C10orf90: variants seen among roughly 807,000 people sequenced by gnomAD.
C10orf90 encodes (E2-independent) E3 ubiquitin-conjugating enzyme FATS.
Under a neutral mutation model 62.5 loss-of-function variants are expected in C10orf90, and 56 were observed. That is an observed-to-expected ratio of 0.90 (90% CI 0.72 to 1.12). C10orf90 has a LOEUF of 1.12. C10orf90 is among the 50% of genes most tolerant of loss of function. C10orf90 has a pLI of 0.00. For synonymous variants in C10orf90, 386 were observed against 340.4 expected (o/e 1.13, Z -1.47); for missense variants, 970 against 880.4 (o/e 1.10, Z -1.29).
rs569379973 is a variant in C10orf90 at position 126,597,616 on chromosome 10, T to C, written c.313+48949A>G. ...CAAGAGTAGAAGCTGAGAGACCAAA[T>C]GGGAGACCAACAAGTGATGATCATG... is the stretch of plus-strand genomic sequence containing the variant. On this transcript the variant is annotated intron_variant, in intron 2 of 9. Coordinates refer to ENST00000488181, the MANE Select transcript of C10orf90 (RefSeq NM_001350921.2). Among the ~76,000 whole-genome samples, 10 of 152,272 alleles carry C rather than the reference T, an allele frequency of 6.6e-5. No homozygotes were observed. In the South Asian group the frequency reaches 2.1e-3, roughly 32 times the overall value.
At position 126,659,213 on chromosome 10, in the gene C10orf90, A is replaced by C. The variant is rs143402871; in HGVS notation, c.240+11028T>G. On this transcript the variant is annotated intron_variant, in intron 1 of 9. Transcript: ENST00000488181. ...CACCACCAAACAGGCTGCCTTGAAAACTAGCGCAATATGAGGCAGCCAACC... is the reference window on the plus strand; with the variant it reads ...CACCACCAAACAGGCTGCCTTGAAACCTAGCGCAATATGAGGCAGCCAACC... 1.1e-3 allele frequency among the ~76,000 whole-genome samples: 173 copies of C among 152,300 alleles called. 4 individuals are homozygous for C. In the South Asian group the frequency reaches 0.021, roughly 18 times the overall value.
intron 2 of C10orf90, among the ~76,000 whole-genome samples, chr10:126,638,009 A>G (rs1845986305): frequency 6.6e-6 from 1 of 152,192 alleles, no homozygotes; most frequent in African/African-American, 2.4e-5. Context: ...GGACTTACTC[A>G]TGGTTGGACA....
rs1859315359 is a variant in C10orf90, at chr10:126,453,165, C to T, written c.2188+5875G>A. On this transcript the variant is annotated intron_variant, in intron 7 of 9. Transcript: ENST00000488181. This position sits in a 1 kb window ranked among gnomAD's most constrained non-coding sequence, Gnocchi z 4.9. ...CCTTCCAGAGAATTCCATTCCTCTA[C>T]TCGTGCATGATTTGAATGGCTCTGA... 6.6e-6 allele frequency among the ~76,000 whole-genome samples: 1 copy of T among 152,182 alleles called. No homozygotes were observed. The highest frequency in any genetic ancestry group is 2.4e-5 in the African/African-American group (1 of 41,442).
intron 2 of C10orf90, among the ~76,000 whole-genome samples, chr10:126,645,845 T>G (rs561267544): frequency 5.3e-5 from 8 of 152,310 alleles, no homozygotes; most frequent in Admixed American, 3.3e-4. Flanking sequence ...ACACATAATC[T>G]CATGCACTTT....
At chr10:126,448,813 T>A (rs1858968794) in intron 7 of C10orf90, among the ~76,000 whole-genome samples, 1 of 152,120 alleles carries the variant, frequency 6.6e-6, no homozygotes, top group South Asian at 2.1e-4. Flanking sequence ...AGAATATACA[T>A]CCTGCCAAGA....
At chr10:126,512,365 T>G (rs1204386145) in intron 3 of C10orf90, among the ~76,000 whole-genome samples, 1 of 59,064 alleles carries the variant, frequency 1.7e-5, no homozygotes, top group African/African-American at 7.7e-5. Flanking sequence ...TGTGTGTGTA[T>G]GTGTGTCTGT....
At chr10:126,524,935 A>G (rs1863890154) in intron 2 of C10orf90, 1 of 756,556 alleles carries the variant, frequency 1.3e-6, no homozygotes. Context: ...TCATTATTAC[A>G]TAGTATTGAA....
At chr10:126,614,341 G>A (rs1845497813) in intron 2 of C10orf90, among the ~76,000 whole-genome samples, 2 of 152,038 alleles carry the variant, frequency 1.3e-5, no homozygotes, top group African/African-American at 2.4e-5. Flanking sequence ...ACCATTAAGG[G>A]AATAAAAACA....
intron 2 of C10orf90, among the ~76,000 whole-genome samples, chr10:126,608,403 T>C (rs1028777193): frequency 9.2e-5 from 14 of 152,196 alleles, no homozygotes; most frequent in African/African-American, 3.1e-4. Flanking sequence ...TGAGCCACCA[T>C]GCCTAGCCTG....
At chr10:126,509,456 C>T (rs529220279) in intron 3 of C10orf90, among the ~76,000 whole-genome samples, 1 of 152,222 alleles carries the variant, frequency 6.6e-6, no homozygotes, top group East Asian at 1.9e-4. Context: ...CAATGGAATG[C>T]ATTTGGGTTT....
At chr10:126,466,018 A>G (rs934984575) in intron 4 of C10orf90, among the ~76,000 whole-genome samples, 6 of 140,002 alleles carry the variant, frequency 4.3e-5, no homozygotes, top group Non-Finnish European at 7.7e-5. Flanking sequence ...TCTTTTCACC[A>G]TCCATTTTGT....
At chr10:126,511,252 A>C (rs148170590) in intron 3 of C10orf90, among the ~76,000 whole-genome samples, 1 of 152,300 alleles carries the variant, frequency 6.6e-6, no homozygotes, top group East Asian at 1.9e-4. Flanking sequence ...CTCACTCTCC[A>C]TCATGAAATT....
intron 2 of C10orf90, among the ~76,000 whole-genome samples, chr10:126,599,164 C>A (rs1845143768): frequency 6.6e-6 from 1 of 151,312 alleles, no homozygotes. Context: ...GAATGCCAGG[C>A]CTCATTGGGT....
At chr10:126,460,927 T>A (rs1349636359) in intron 6 of C10orf90, among the ~76,000 whole-genome samples, 3 of 152,158 alleles carry the variant, frequency 2.0e-5, no homozygotes, top group African/African-American at 7.2e-5. Flanking sequence ...ATACTACATT[T>A]TATAAAACAA....
chr10:126,635,398 G>A (rs150096650), intron 2 of C10orf90, among the ~76,000 whole-genome samples: 19 of 152,152 alleles, frequency 1.2e-4, no homozygotes, highest in African/African-American at 4.6e-4. Context: ...TTCCACCCTC[G>A]AAGAGCCCAA....
intron 2 of C10orf90, among the ~76,000 whole-genome samples, chr10:126,531,685 G>A (rs1864099798): frequency 6.6e-6 from 1 of 152,084 alleles, no homozygotes; most frequent in African/African-American, 2.4e-5. Flanking sequence ...AAGGCTTTTA[G>A]AAGAAAATAG....
chr10:126,557,257 A>G (rs1411311655), intron 2 of C10orf90, among the ~76,000 whole-genome samples: 3 of 151,958 alleles, frequency 2.0e-5, no homozygotes, highest in Non-Finnish European at 2.9e-5. Context: ...TGAGGCGGGC[A>G]GATCACGAGG....
intron 2 of C10orf90, among the ~76,000 whole-genome samples, chr10:126,623,275 A>T (rs1040734946): frequency 6.6e-6 from 1 of 152,106 alleles, no homozygotes; most frequent in African/African-American, 2.4e-5. Flanking sequence ...CCTCTTGTTC[A>T]TTGGCTCCAG....
intron 7 of C10orf90, among the ~76,000 whole-genome samples, chr10:126,441,280 A>G (rs1858308380): frequency 6.6e-6 from 1 of 152,178 alleles, no homozygotes; most frequent in Non-Finnish European, 1.5e-5. Context: ...AAGTAGAAGA[A>G]AGAAATTCAG....
Sources: gnomAD v4.1 joint callset for allele counts (sites outside exome capture counted in the v4.1 genomes callset) on GRCh38, gnomAD v4.1.1 for gene constraint, Gnocchi (gnomAD v3.1) non-coding constraint, MANE v1.5 for transcripts, NCBI Gene and HGNC (gene_info 2026-07-23, HGNC 2026-07-21) for gene names.